KCND2: variants seen among roughly 807,000 people sequenced by gnomAD.
KCND2 encodes the protein potassium voltage-gated channel subfamily D member 2, also known as A-type voltage-gated potassium channel KCND2.
KCND2 carries 16 observed loss-of-function variants against 54.4 expected under a neutral mutation model. That is an observed-to-expected ratio of 0.29 (90% CI 0.20 to 0.45). The LOEUF (loss-of-function observed/expected upper bound fraction) is 0.45. Among genes scored for constraint, KCND2 ranks in the 20% least tolerant of loss-of-function variants. The pLI is 1.00. For missense variants in KCND2, 486 were observed against 824.2 expected, an observed-to-expected ratio of 0.59 and a Z score of 5.02; for synonymous variants, 317 against 310.7, an observed-to-expected ratio of 1.02 and a Z score of -0.21.
chr7:120,675,639 C>G (rs1005211678), intron 1 of KCND2, among the ~76,000 whole-genome samples: 1 of 152,094 alleles, frequency 6.6e-6, no homozygotes, highest in Admixed American at 6.5e-5. Flanking sequence ...TTCCTGCTTG[C>G]TATAATACAT....
intron 1 of KCND2, among the ~76,000 whole-genome samples, chr7:120,592,561 A>AT (rs1415133785): frequency 6.6e-6 from 1 of 152,170 alleles, no homozygotes; most frequent in Non-Finnish European, 1.5e-5. Context: ...ATAGACCAGA[A>AT]TGCTCTATCA....
rs13241174 is a variant in KCND2, at chr7:120,606,589, C to T, written c.1116-126314C>T. 6.3e-4 allele frequency among the ~76,000 whole-genome samples: 96 copies of T among 151,924 alleles called. 1 individual carries two copies. Among genetic ancestry groups the T allele is most frequent in the Non-Finnish European group, 1.2e-3 (82 of 67,972 alleles). ...AGAAGGGGTCATTATTTTTCTTGAG[C>T]ATCCAACTGTCCCAGTAGTCATTGA... On this transcript the variant is annotated intron_variant, in intron 1 of 5. Transcript: ENST00000331113.
At chr7:120,692,721 G>A (rs1030794139) in intron 1 of KCND2, among the ~76,000 whole-genome samples, 3 of 152,214 alleles carry the variant, frequency 2.0e-5, no homozygotes, top group East Asian at 1.9e-4. Context: ...CGCTCACCTC[G>A]ATGGGGACTT....
At chr7:120,335,635 C>G (rs989628558) in intron 1 of KCND2, among the ~76,000 whole-genome samples, 7 of 151,704 alleles carry the variant, frequency 4.6e-5, no homozygotes, top group South Asian at 4.2e-4. Context: ...ACAGGCGCCC[C>G]CCACCACGCC....
chr7:120,389,131 G>GA (rs886596359), intron 1 of KCND2, among the ~76,000 whole-genome samples: 15 of 150,992 alleles, frequency 9.9e-5, no homozygotes, highest in East Asian at 1.9e-4. Flanking sequence ...CCAAATAGGG[G>GA]AAAAAAAAGA....
At chr7:120,473,307 C>A (rs549726050) in intron 1 of KCND2, among the ~76,000 whole-genome samples, 1 of 152,296 alleles carries the variant, frequency 6.6e-6, no homozygotes, top group South Asian at 2.1e-4. Context: ...AACCACAGCG[C>A]TCATCGTCAC....
At chr7:120,670,505 G>T (rs1791978089) in intron 1 of KCND2, among the ~76,000 whole-genome samples, 1 of 152,058 alleles carries the variant, frequency 6.6e-6, no homozygotes, top group Admixed American at 6.6e-5. Flanking sequence ...TCCTGCTGCT[G>T]TCCAGAGCCA....
chr7:120,678,398 TACAC>T (rs1201305758), intron 1 of KCND2, among the ~76,000 whole-genome samples: 60 of 128,568 alleles, frequency 4.7e-4, no homozygotes, highest in Non-Finnish European at 7.3e-4. Flanking sequence ...TATAGACACA[TACAC>T]ACATATATAT....
At chr7:120,358,736 C>T (rs1164417969) in intron 1 of KCND2, among the ~76,000 whole-genome samples, 2 of 152,144 alleles carry the variant, frequency 1.3e-5, no homozygotes, top group Non-Finnish European at 2.9e-5. Flanking sequence ...CTGCAGAAGT[C>T]AGCCTTGCCT....
chr7:120,508,119 T>A (rs1014217989), intron 1 of KCND2, among the ~76,000 whole-genome samples: 1 of 151,920 alleles, frequency 6.6e-6, no homozygotes, highest in Admixed American at 6.6e-5. Context: ...TAGTGTATTA[T>A]TGTGAAACAA....
At chr7:120,622,859 T>C (rs1007933397) in intron 1 of KCND2, among the ~76,000 whole-genome samples, 28 of 152,174 alleles carry the variant, frequency 1.8e-4, no homozygotes, top group African/African-American at 5.8e-4. Flanking sequence ...TGGGGAATTG[T>C]TAATTTTCAG....
At chr7:120,621,354 C>T (rs1366404063) in intron 1 of KCND2, among the ~76,000 whole-genome samples, 1 of 150,140 alleles carries the variant, frequency 6.7e-6, no homozygotes, top group African/African-American at 2.5e-5. Flanking sequence ...TTCTTATTCT[C>T]CCAGTCCACT....
intron 1 of KCND2, among the ~76,000 whole-genome samples, chr7:120,684,272 C>A (rs997346202): frequency 1.3e-5 from 2 of 152,066 alleles, no homozygotes; most frequent in African/African-American, 2.4e-5. Flanking sequence ...AAAGTTAGCA[C>A]ATTGTATTTC....
At chr7:120,355,806 G>A (rs980834365) in intron 1 of KCND2, among the ~76,000 whole-genome samples, 1 of 152,140 alleles carries the variant, frequency 6.6e-6, no homozygotes, top group African/African-American at 2.4e-5. Context: ...GGAAATTCAT[G>A]CAACAGAAAC....
Position 120,747,562 on chromosome 7 carries a change from A to C in KCND2, c.1716-119A>C. The C allele has an allele frequency of 5.7e-6, 4 of 698,188 alleles. No homozygotes were observed. The South Asian group carries it at 6.9e-5, about 12-fold the overall frequency. The allele number at this position is 698,188 out of a possible 1,614,324, so 43.2% of individuals were successfully genotyped here. The stretch of plus-strand genomic sequence containing the variant: ...TTTGGTGTTTCATATTTTTAATTAT[A>C]ATAACTTTCCTTAGACAATTAAAAT... On this transcript the variant is annotated intron_variant, in intron 5 of 5. Coordinates refer to ENST00000331113, the MANE Select transcript of KCND2 (RefSeq NM_012281.3).
intron 1 of KCND2, among the ~76,000 whole-genome samples, chr7:120,552,843 C>T (rs1257862215): frequency 1.3e-5 from 2 of 152,160 alleles, no homozygotes; most frequent in Non-Finnish European, 2.9e-5. Context: ...ATCACTACTC[C>T]TTTGAATGTT....
At chr7:120,361,139 A>T (rs1800587436) in intron 1 of KCND2, among the ~76,000 whole-genome samples, 1 of 151,952 alleles carries the variant, frequency 6.6e-6, no homozygotes, top group Admixed American at 6.6e-5. Flanking sequence ...CTCTGTTTTG[A>T]CTGTCACAGA....
At chr7:120,477,560 T>C (rs1475898868) in intron 1 of KCND2, among the ~76,000 whole-genome samples, 1 of 152,190 alleles carries the variant, frequency 6.6e-6, no homozygotes, top group Non-Finnish European at 1.5e-5. Context: ...ATAGTTTTAA[T>C]TGTCTTTTTG....
chr7:120,403,482 AT>A (rs528759246), intron 1 of KCND2, among the ~76,000 whole-genome samples: 11,763 of 130,914 alleles, frequency 0.09, 877 homozygotes, highest in East Asian at 0.44. Context: ...GGCCCGGCTA[AT>A]TTTTTTTTTT....
Sources: allele counts gnomAD v4.1 joint callset (sites outside exome capture counted in the v4.1 genomes callset), GRCh38; gene constraint gnomAD v4.1.1; transcripts MANE v1.5; gene names NCBI Gene and HGNC (gene_info 2026-07-23, HGNC 2026-07-21).